Variants in MAD1L1 observed in about 807,000 individuals in gnomAD.
MAD1L1 encodes the protein mitotic arrest deficient 1 like 1, also known as mitotic spindle assembly checkpoint protein MAD1.
MAD1L1 carries 95 observed loss-of-function variants against 96.9 expected under a neutral mutation model. The ratio of observed to expected loss-of-function variants is 0.98; its 90% CI spans 0.83 to 1.16. The LOEUF is 1.16. Ranked by LOEUF, MAD1L1 falls within the 50% of genes most tolerant of loss-of-function variation. MAD1L1 has a pLI of 0.00. For missense variants in MAD1L1, 1,007 were observed against 954.4 expected (o/e 1.06, Z -0.73); for synonymous variants, 473 against 396.6 (o/e 1.19, Z -2.29).
intron 14 of MAD1L1, among the ~76,000 whole-genome samples, chr7:1,990,759 C>T (rs1335425357): frequency 4.1e-5 from 6 of 147,894 alleles, no homozygotes; most frequent in Non-Finnish European, 6.0e-5. Flanking sequence ...CCCACCAGAG[C>T]GCCACTGCTG....
At chr7:1,933,434 C>T (rs1039183321) in intron 17 of MAD1L1, among the ~76,000 whole-genome samples, 3 of 152,188 alleles carry the variant, frequency 2.0e-5, no homozygotes, top group Admixed American at 6.5e-5. Context: ...CGATCCAGGC[C>T]CACACCTGCA....
At chr7:2,181,639 C>T (rs7778578) in intron 10 of MAD1L1, among the ~76,000 whole-genome samples, 7,105 of 152,160 alleles carry the variant, frequency 0.047, 583 homozygotes, top group African/African-American at 0.16. Context: ...AAGATTCCTT[C>T]GAGAACTGAA....
At position 1,914,004 on chromosome 7, in the gene MAD1L1, G is replaced by A. The variant is rs892216815; in HGVS notation, c.1808-15614C>T. On this transcript the variant is annotated intron_variant, in intron 17 of 18. Transcript: ENST00000265854. Reference sequence around the variant, plus strand: ...GGGAGAGGGTAGACAAGCTCCCAGGGCAGCGTGGGCAGGTCTCCCCCCCCA... The same window carrying A: ...GGGAGAGGGTAGACAAGCTCCCAGGACAGCGTGGGCAGGTCTCCCCCCCCA... Among the ~76,000 whole-genome samples the A allele has an allele frequency of 2.9e-5, 4 of 138,504 alleles. No individual in the cohort carries two copies. The East Asian group carries it at 8.8e-4, about 31-fold the overall frequency. 90.9% of individuals were successfully genotyped at this position (138,504 alleles called of 152,430 possible). A position where few individuals can be genotyped will look rare whatever the true frequency, so the allele number is the denominator to read the frequency against.
chr7:1,933,352 G>T (rs1392850535), intron 17 of MAD1L1, among the ~76,000 whole-genome samples: 1 of 152,154 alleles, frequency 6.6e-6, no homozygotes, highest in South Asian at 2.1e-4. Flanking sequence ...GATACACAGG[G>T]AGGTCTTTCC....
chr7:1,986,819 C>A (rs1465278583), intron 14 of MAD1L1, among the ~76,000 whole-genome samples: 1 of 152,128 alleles, frequency 6.6e-6, no homozygotes, highest in East Asian at 1.9e-4. Context: ...AAATCAAGCC[C>A]TTTTATTTTA....
intron 11 of MAD1L1, among the ~76,000 whole-genome samples, chr7:2,069,758 T>C (rs1306067846): frequency 6.6e-6 from 1 of 152,052 alleles, no homozygotes; most frequent in Non-Finnish European, 1.5e-5. Context: ...TTCTGTGAGG[T>C]TGAAAGCCCA....
intron 10 of MAD1L1, among the ~76,000 whole-genome samples, chr7:2,210,691 G>A (rs1275895189): frequency 6.6e-6 from 1 of 152,194 alleles, no homozygotes; most frequent in African/African-American, 2.4e-5. Flanking sequence ...CACAACACAA[G>A]GAGCAGCGGG....
In MAD1L1 at chr7:2,179,296, G is replaced by A. The variant is rs528067498; in HGVS notation, c.987-30058C>T. On this transcript the variant is annotated intron_variant, in intron 10 of 18. Transcript: ENST00000265854. ...TGTAATCCCAGCACTTTGGGAGGCCGAGGCACATGGACCACAAGGTCAGGA... is the reference window on the plus strand; with the variant it reads ...TGTAATCCCAGCACTTTGGGAGGCCAAGGCACATGGACCACAAGGTCAGGA... Among the ~76,000 whole-genome samples, 38 of 151,552 alleles carry A rather than the reference G, an allele frequency of 2.5e-4. No homozygotes were observed. In the East Asian group the frequency reaches 2.6e-3, roughly 10 times the overall value.
In MAD1L1 at chr7:1,966,135, G is replaced by A. The variant is rs141761623; in HGVS notation, c.1506-8416C>T. 1.2e-4 allele frequency among the ~76,000 whole-genome samples: 19 copies of A among 152,374 alleles called. 1 individual carries two copies. The highest frequency in any genetic ancestry group is 3.6e-4 in the African/African-American group (15 of 41,588). On this transcript the variant is annotated intron_variant, in intron 15 of 18. Coordinates refer to ENST00000265854, the MANE Select transcript of MAD1L1 (RefSeq NM_001013836.2). ...AATGTCCCAGGCCAAGGCCAGGAGCGCTGCCAAGGCTTCACAACCTGAACT... is the reference window on the plus strand; with the variant it reads ...AATGTCCCAGGCCAAGGCCAGGAGCACTGCCAAGGCTTCACAACCTGAACT...
rs967248302 is a variant in MAD1L1 at position 1,872,680 on chromosome 7, G to A, written c.1998+25520C>T. On this transcript the variant is annotated intron_variant, in intron 18 of 18. Transcript: ENST00000265854. ...CTCCAGGGCTGTCCTCCTGGCTGCGGACTCCTGGGCACTGGACCGTGCCTC... is the reference window on the plus strand; with the variant it reads ...CTCCAGGGCTGTCCTCCTGGCTGCGAACTCCTGGGCACTGGACCGTGCCTC... 7.2e-5 allele frequency: 11 copies of A among 152,428 alleles called. 1 individual carries two copies. The highest frequency in any genetic ancestry group is 6.5e-4 in the Admixed American group (10 of 15,306). 9.4% of individuals were successfully genotyped at this position (152,428 alleles called of 1,614,324 possible).
At chr7:2,060,526 C>CGCTAATGCCAAGATAA (rs1784614313) in intron 12 of MAD1L1, among the ~76,000 whole-genome samples, 1 of 152,012 alleles carries the variant, frequency 6.6e-6, no homozygotes, top group African/African-American at 2.4e-5. Context: ...TGTCGAGATA[C>CGCTAATGCCAAGATAA]GCTAATGCCA....
intron 18 of MAD1L1, among the ~76,000 whole-genome samples, chr7:1,818,205 A>AG (rs1295312796): frequency 6.6e-6 from 1 of 152,062 alleles, no homozygotes; most frequent in Non-Finnish European, 1.5e-5. Context: ...CAGTGTGGGA[A>AG]GAAGTCTCCT....
At chr7:1,855,242 G>T (rs898434144) in intron 18 of MAD1L1, among the ~76,000 whole-genome samples, 1 of 152,054 alleles carries the variant, frequency 6.6e-6, no homozygotes, top group African/African-American at 2.4e-5. Context: ...GGCAGACGGG[G>T]CCTGAGGTCA....
Position 1,896,461 on chromosome 7 carries a change from T to C in MAD1L1, c.1998+1739A>G, listed in dbSNP as rs545573330. Among the ~76,000 whole-genome samples, 13 of 152,310 alleles carry C rather than the reference T, an allele frequency of 8.5e-5. No homozygotes were observed. The East Asian group carries it at 2.1e-3, about 25-fold the overall frequency. The stretch of plus-strand genomic sequence containing the variant: ...GGCAGGGCTGCGCTTCAGAAGCCCA[T>C]GCAGGGCTTACAGTGGTCAAGATGC... On this transcript the variant is annotated intron_variant, in intron 18 of 18. Coordinates refer to ENST00000265854, the MANE Select transcript of MAD1L1 (RefSeq NM_001013836.2).
At chr7:2,068,295 G>A (rs1784972257) in intron 12 of MAD1L1, among the ~76,000 whole-genome samples, 2 of 152,250 alleles carry the variant, frequency 1.3e-5, no homozygotes, top group South Asian at 4.1e-4. Flanking sequence ...AGACAGCATG[G>A]AGCCGCCCAG....
chr7:1,867,728 G>C (rs1480016677), intron 18 of MAD1L1, among the ~76,000 whole-genome samples: 1 of 152,234 alleles, frequency 6.6e-6, no homozygotes, highest in African/African-American at 2.4e-5. Flanking sequence ...TGGCTGTAGG[G>C]GATGGGAGGG....
intron 16 of MAD1L1, among the ~76,000 whole-genome samples, chr7:1,941,593 C>T (rs1405366556): frequency 2.0e-5 from 3 of 152,218 alleles, no homozygotes; most frequent in African/African-American, 7.2e-5. Context: ...GGGCTGGGAC[C>T]AGCCCCCAGG....
chr7:1,908,140 G>A lies in MAD1L1; in HGVS notation c.1808-9750C>T, dbSNP rs574804637. The stretch of plus-strand genomic sequence containing the variant: ...TCCCAGCTCAAAGGTTGGGATTCCA[G>A]CATGACAGGCCCAGCAAGTCTGTCC... On this transcript the variant is annotated intron_variant, in intron 17 of 18. Coordinates refer to ENST00000265854, the MANE Select transcript of MAD1L1 (RefSeq NM_001013836.2). Among the ~76,000 whole-genome samples, 6 of 152,350 alleles carry A rather than the reference G, an allele frequency of 3.9e-5. No homozygotes were observed. The South Asian group carries it at 1.2e-3, about 32-fold the overall frequency.
At chr7:1,914,122 G>A (rs1001694797) in intron 17 of MAD1L1, among the ~76,000 whole-genome samples, 5 of 152,176 alleles carry the variant, frequency 3.3e-5, no homozygotes, top group Non-Finnish European at 7.4e-5. Context: ...TCTCCACTCT[G>A]CCACACGCCC....
Sources: gnomAD v4.1 joint callset for allele counts (sites outside exome capture counted in the v4.1 genomes callset) on GRCh38, gnomAD v4.1.1 for gene constraint, MANE v1.5 for transcripts, NCBI Gene and HGNC (gene_info 2026-07-23, HGNC 2026-07-21) for gene names.